Variants in NMD3 observed in about 807,000 individuals in gnomAD.
The protein encoded by NMD3 is 60S ribosomal export protein NMD3.
NMD3 carries 47 observed loss-of-function variants against 73.1 expected under a neutral mutation model. The ratio of observed to expected loss-of-function variants is 0.64; its 90% CI spans 0.51 to 0.82. The LOEUF is 0.82. NMD3 is among the 40% of genes least tolerant of loss of function. The probability of loss-of-function intolerance (pLI) is 0.00; values close to 1 mark genes in which losing one functional copy is unlikely to be tolerated. For missense variants in NMD3, 554 were observed against 612.5 expected, an observed-to-expected ratio of 0.90 and a Z score of 1.01; for synonymous variants, 210 against 194.5, an observed-to-expected ratio of 1.08 and a Z score of -0.66.
intron 9 of NMD3, 114 bp from the exon 10 acceptor site, chr3:161,240,932 T>G: frequency 1.8e-6 from 1 of 568,578 alleles, no homozygotes; most frequent in Non-Finnish European, 3.2e-6. Flanking sequence ...TTGATAGAAT[T>G]GAAAATAACG....
chr3:161,231,900 G>A (rs1053277079), intron 4 of NMD3, among the ~76,000 whole-genome samples: 3 of 152,078 alleles, frequency 2.0e-5, no homozygotes, highest in Non-Finnish European at 4.4e-5. Context: ...ACAGAATAGG[G>A]AATATGCATA....
In NMD3 at chr3:161,242,564, C is replaced by T; in HGVS notation, c.928C>T (p.Pro310Ser). 6.2e-7 allele frequency: 1 copy of T among 1,613,638 alleles called. No homozygotes were observed. Residue 310 changes from proline to serine, a missense_variant, in exon 11 of 16, where the codon CCC (proline) becomes TCC (serine). Pro to Ser is a moderately conservative substitution (Grantham distance 74). Transcript: ENST00000351193. ...WSHPFNSLCH[P>S]KQLEEFIVME... The stretch of plus-strand genomic sequence containing the variant: ...TCACCCTTTCAATAGTTTATGTCAT[C>T]CCAAACAGCTAGAGGAGTTTATTGT...
chr3:161,224,501 CT>C (rs957966976), intron 2 of NMD3, among the ~76,000 whole-genome samples: 2 of 151,508 alleles, frequency 1.3e-5, no homozygotes, highest in African/African-American at 4.8e-5. Flanking sequence ...TTTTTTGTTT[CT>C]TTTTTTTGAG....
chr3:161,247,801 A>AG (rs2108102101), intron 13 of NMD3, among the ~76,000 whole-genome samples: 1 of 151,640 alleles, frequency 6.6e-6, no homozygotes, highest in Admixed American at 6.6e-5. Context: ...AAAAAAAAAA[A>AG]AAGAAATGGG....
At chr3:161,247,415 T>C (rs1202732307) in intron 13 of NMD3, 85 bp downstream of exon 13, 9 of 722,610 alleles carry the variant, frequency 1.2e-5, no homozygotes, top group Non-Finnish European at 2.1e-5. Flanking sequence ...GTTCACACTT[T>C]TGAAAATAAC....
In NMD3 at chr3:161,243,365, C is replaced by A. The variant is rs569584083; in HGVS notation, c.1017+712C>A. On this transcript the variant is annotated intron_variant, in intron 11 of 15. Transcript: ENST00000351193. Reference sequence around the variant, plus strand: ...ACTCCACCAACCTGTTTTTGGATAGCGATTAACTGTGGGCAGATGAAAACT... The same window carrying A: ...ACTCCACCAACCTGTTTTTGGATAGAGATTAACTGTGGGCAGATGAAAACT... Among the ~76,000 whole-genome samples, 4 of 152,168 alleles carry A rather than the reference C, an allele frequency of 2.6e-5. 1 individual carries two copies. The South Asian group carries it at 8.3e-4, about 32-fold the overall frequency.
intron 11 of NMD3, among the ~76,000 whole-genome samples, chr3:161,244,851 C>G (rs973254820): frequency 4.6e-5 from 7 of 152,026 alleles, no homozygotes; most frequent in Non-Finnish European, 1.0e-4. Context: ...AACGATCCTA[C>G]TGCCTCCCTT....
intron 15 of NMD3, among the ~76,000 whole-genome samples, 182 bp from the exon 16 acceptor site, chr3:161,250,598 C>T (rs1737445764): frequency 6.6e-6 from 1 of 152,128 alleles, no homozygotes; most frequent in Non-Finnish European, 1.5e-5. Context: ...CTTACAGTTA[C>T]TCAGTTCATT....
intron 10 of NMD3, 94 bp from the exon 11 acceptor site, chr3:161,242,414 C>A: frequency 8.6e-7 from 1 of 1,161,632 alleles, no homozygotes. Context: ...TGCCACTTCC[C>A]AGTTGGTATC....
In NMD3 at chr3:161,222,058, G is replaced by A. The variant is rs1560061772; in HGVS notation, c.44+1G>A. 6.3e-7 allele frequency: 1 copy of A among 1,590,546 alleles called. No individual in the cohort carries two copies. The highest frequency in any genetic ancestry group is 8.6e-7 in the Non-Finnish European group (1 of 1,166,724). ...CCACCGACCGCAGCCCTGGACACATGTGAGTGCGACACTTCTTCCTTCCCC... is the reference window on the plus strand; with the variant it reads ...CCACCGACCGCAGCCCTGGACACATATGAGTGCGACACTTCTTCCTTCCCC... On this transcript the variant is annotated splice_donor_variant, in intron 2 of 15. Coordinates refer to ENST00000351193, the MANE Select transcript of NMD3 (RefSeq NM_015938.5). LOFTEE classifies it high-confidence loss of function.
rs1368937660 is a variant in NMD3, at chr3:161,251,949, A to G, written c.*1039A>G. On this transcript the variant is annotated 3_prime_UTR_variant, in exon 16 of 16. Coordinates refer to ENST00000351193, the MANE Select transcript of NMD3 (RefSeq NM_015938.5). ...GATCAGACTTGTTAAGTATGCCGCA[A>G]GTAAGAGCTAATTCATTCATTCCAT... 6.6e-6 allele frequency: 1 copy of G among 152,246 alleles called. No individual in the cohort carries two copies. The highest frequency in any genetic ancestry group is 6.5e-5 in the Admixed American group (1 of 15,284). 9.4% of individuals were successfully genotyped at this position (152,246 alleles called of 1,614,324 possible). A position where few individuals can be genotyped will look rare whatever the true frequency, so the allele number is the denominator to read the frequency against.
chr3:161,247,432 A>G (rs1169228052), intron 13 of NMD3, 102 bp downstream of exon 13: 9 of 643,166 alleles, frequency 1.4e-5, no homozygotes, highest in Non-Finnish European at 2.1e-5. Flanking sequence ...TAACAAATCA[A>G]TTTAGAGATT....
downstream of NMD3, chr3:161,252,826 T>C (rs1169253237): frequency 1.4e-6 from 1 of 695,134 alleles, no homozygotes; most frequent in Non-Finnish European, 2.6e-6. Context: ...GGGCCAAGTG[T>C]GGTGGTTGAC....
chr3:161,249,548 C>A lies in NMD3; in HGVS notation c.1298C>A (p.Thr433Lys). ...ELARERENMD[T>K]DDERQYQDFL... ...GCAAGAGAGAGAGAAAACATGGATA[C>A]AGATGATGAAAGGTCTCGCTTTTCT... The change falls in exon 14 of 16, where the codon ACA (threonine) becomes AAA (lysine). Residue 433 changes from threonine (T) to lysine (K), a missense_variant. Transcript: ENST00000351193. The A allele has an allele frequency of 6.3e-7, 1 of 1,598,524 alleles. No individual in the cohort carries two copies. Among genetic ancestry groups the A allele is most frequent in the Non-Finnish European group, 8.6e-7 (1 of 1,166,404 alleles).
intron 11 of NMD3, among the ~76,000 whole-genome samples, chr3:161,243,567 A>G (rs1354127232): frequency 6.6e-6 from 1 of 151,722 alleles, no homozygotes; most frequent in African/African-American, 2.4e-5. Context: ...TTTTTCTTTT[A>G]TTGGTTATGA....
At chr3:161,224,015 T>G (rs934610812) in intron 2 of NMD3, among the ~76,000 whole-genome samples, 1 of 152,210 alleles carries the variant, frequency 6.6e-6, no homozygotes, top group African/African-American at 2.4e-5. Context: ...AAATGTTATC[T>G]TTATGGATAG....
At chr3:161,246,799 A>C (rs75852606) in intron 12 of NMD3, among the ~76,000 whole-genome samples, 1 of 152,290 alleles carries the variant, frequency 6.6e-6, no homozygotes, top group African/African-American at 2.4e-5. Context: ...TATGACAACT[A>C]TATATATACA....
At chr3:161,230,870 GAGCTGTT>G (rs956025537) in intron 4 of NMD3, among the ~76,000 whole-genome samples, 5 of 152,190 alleles carry the variant, frequency 3.3e-5, no homozygotes, top group African/African-American at 4.8e-5. Context: ...TATGTGGGAA[GAGCTGTT>G]AGATAGATGT....
intron 10 of NMD3, among the ~76,000 whole-genome samples, chr3:161,242,043 AT>A (rs1737003559): frequency 6.6e-6 from 1 of 151,970 alleles, no homozygotes; most frequent in Admixed American, 6.6e-5. Flanking sequence ...TTATTTTGAT[AT>A]TTTTCAAAGT....
Sources: gnomAD v4.1 joint callset for allele counts (sites outside exome capture counted in the v4.1 genomes callset) on GRCh38, gnomAD v4.1.1 for gene constraint, MANE v1.5 for transcripts, NCBI Gene and HGNC (gene_info 2026-07-23, HGNC 2026-07-21) for gene names.